HNF4G: variants seen among roughly 807,000 people sequenced by gnomAD.
HNF4G encodes hepatocyte nuclear factor 4 gamma, also known as hepatocyte nuclear factor 4-gamma.
A neutral mutation model predicts 50.9 loss-of-function variants in HNF4G; 21 were observed. The ratio of observed to expected loss-of-function variants is 0.41; its 90% CI spans 0.29 to 0.59. The LOEUF (loss-of-function observed/expected upper bound fraction) is 0.59. Ranked by LOEUF, HNF4G falls within the 20% of genes least tolerant of loss-of-function variation. The pLI is 0.26. For missense variants in HNF4G, 527 were observed against 559.4 expected, an observed-to-expected ratio of 0.94 and a Z score of 0.58; for synonymous variants, 198 against 185.6, an observed-to-expected ratio of 1.07 and a Z score of -0.54.
At chr8:75,486,596 C>A (rs1173285587) in intron 1 of HNF4G, among the ~76,000 whole-genome samples, 4 of 152,196 alleles carry the variant, frequency 2.6e-5, no homozygotes, top group African/African-American at 7.2e-5. Context: ...TTCAGTTCAT[C>A]TGTACCTTTG....
intron 2 of HNF4G, among the ~76,000 whole-genome samples, chr8:75,532,467 T>C (rs1563543800): frequency 6.6e-6 from 1 of 152,102 alleles, no homozygotes; most frequent in Admixed American, 6.6e-5. Context: ...GGTATATTTT[T>C]AAAATTATAT....
At chr8:75,563,147 G>T (rs2130822062) in intron 9 of HNF4G, among the ~76,000 whole-genome samples, 1 of 152,184 alleles carries the variant, frequency 6.6e-6, no homozygotes, top group South Asian at 2.1e-4. Context: ...TTTTCTGTTA[G>T]TTCTGTTTAC....
At chr8:75,533,735 C>T (rs761964561) in intron 2 of HNF4G, among the ~76,000 whole-genome samples, 1 of 151,870 alleles carries the variant, frequency 6.6e-6, no homozygotes, top group Non-Finnish European at 1.5e-5. Context: ...ACACCTACCT[C>T]TATTAAATGG....
chr8:75,428,541 T>C (rs770096760), intron 1 of HNF4G, among the ~76,000 whole-genome samples: 32 of 152,140 alleles, frequency 2.1e-4, no homozygotes, highest in Non-Finnish European at 3.8e-4. Flanking sequence ...TGATACAATC[T>C]AATCAAGAAA....
chr8:75,504,938 G>C (rs896671108), intron 2 of HNF4G, among the ~76,000 whole-genome samples: 1 of 151,898 alleles, frequency 6.6e-6, no homozygotes. Flanking sequence ...ATATTTGATG[G>C]GACAAGAGAG....
Position 75,564,800 on chromosome 8 carries a change from C to T in HNF4G, c.*704C>T, listed in dbSNP as rs1807414557. On this transcript the variant is annotated 3_prime_UTR_variant, in exon 10 of 10. Transcript: ENST00000396423. Reference sequence around the variant, plus strand: ...CAGGGTGAACTGTAACAAAGAAACCCCTAAAACAGTGACTAAATCAAGAGA... The same window carrying T: ...CAGGGTGAACTGTAACAAAGAAACCTCTAAAACAGTGACTAAATCAAGAGA... 1 of 152,078 alleles carries T rather than the reference C, an allele frequency of 6.6e-6. No individual in the cohort carries two copies. The highest frequency in any genetic ancestry group is 1.5e-5 in the Non-Finnish European group (1 of 67,998). 9.4% of individuals were successfully genotyped at this position (152,078 alleles called of 1,614,324 possible).
intron 1 of HNF4G, among the ~76,000 whole-genome samples, chr8:75,442,417 A>G (rs1457184842): frequency 6.6e-6 from 1 of 152,124 alleles, no homozygotes; most frequent in Non-Finnish European, 1.5e-5. Flanking sequence ...ACATTTAAAA[A>G]CATGTGAATG....
chr8:75,428,210 G>A (rs1056702731), intron 1 of HNF4G, among the ~76,000 whole-genome samples: 4 of 152,094 alleles, frequency 2.6e-5, no homozygotes, highest in African/African-American at 9.7e-5. Flanking sequence ...CTAGCAGGTG[G>A]GTGTATGATT....
intron 1 of HNF4G, among the ~76,000 whole-genome samples, chr8:75,428,990 G>A (rs1385586850): frequency 2.0e-5 from 3 of 152,176 alleles, no homozygotes; most frequent in African/African-American, 7.2e-5. Context: ...CTTAACGGAA[G>A]TTACTGGTAG....
At chr8:75,554,127 T>A (rs559225654) in intron 5 of HNF4G, among the ~76,000 whole-genome samples, 1 of 152,250 alleles carries the variant, frequency 6.6e-6, no homozygotes, top group Non-Finnish European at 1.5e-5. Context: ...ATTCTTAAAA[T>A]GCTCTGTAAC....
chr8:75,540,743 G>T (rs1402878079), intron 1 of HNF4G, among the ~76,000 whole-genome samples: 1 of 151,832 alleles, frequency 6.6e-6, no homozygotes, highest in Non-Finnish European at 1.5e-5. Context: ...GCTTACTATT[G>T]ACTTTGAATT....
At chr8:75,504,830 C>A (rs1813033936) in intron 2 of HNF4G, among the ~76,000 whole-genome samples, 1 of 151,926 alleles carries the variant, frequency 6.6e-6, no homozygotes, top group South Asian at 2.1e-4. Context: ...TTGTAAGTAA[C>A]CCTGGGATTT....
intron 2 of HNF4G, among the ~76,000 whole-genome samples, chr8:75,494,064 G>A (rs1424209958): frequency 1.3e-5 from 2 of 152,096 alleles, no homozygotes; most frequent in Middle Eastern, 3.2e-3. Context: ...AAAGCTGAAT[G>A]ATTATAAACT....
chr8:75,539,978 G>A lies in HNF4G; in HGVS notation c.16G>A (p.Glu6Lys). 2 of 1,533,154 alleles carry A rather than the reference G, an allele frequency of 1.3e-6. No homozygotes were observed. The highest frequency in any genetic ancestry group is 1.1e-5 in the South Asian group (1 of 89,358). 95.0% of individuals were successfully genotyped at this position (1,533,154 alleles called of 1,614,324 possible). Residue 6 changes from glutamate to lysine, a missense_variant, in exon 1 of 10, where the codon GAA becomes AAA. Glu to Lys is a moderately conservative substitution (Grantham distance 56, BLOSUM62 1). This residue lies in a region of HNF4G where 84 missense variants were observed against 87.1 expected (regional missense o/e 0.96). Transcript: ENST00000396423. ...TTCTAAATCAATGATGAGGGTATCA[G>A]AACCAATACTGGACATGGACATGGC... MMRVS[E>K]PILDMDMANY... is the part of the protein sequence containing the mutation.
intron 1 of HNF4G, among the ~76,000 whole-genome samples, chr8:75,433,709 T>C (rs1369466426): frequency 6.6e-6 from 1 of 151,670 alleles, no homozygotes; most frequent in Non-Finnish European, 1.5e-5. Flanking sequence ...GAAGATACAA[T>C]TTTAAACCTT....
chr8:75,421,349 C>T (rs1434302313), intron 1 of HNF4G, among the ~76,000 whole-genome samples: 1 of 152,180 alleles, frequency 6.6e-6, no homozygotes, highest in East Asian at 1.9e-4. Flanking sequence ...GTTTAATCTG[C>T]ACCATTCCTT....
At chr8:75,410,706 T>C (rs1810480384) in intron 1 of HNF4G, among the ~76,000 whole-genome samples, 1 of 152,206 alleles carries the variant, frequency 6.6e-6, no homozygotes, top group African/African-American at 2.4e-5. Context: ...AAAAGTATGA[T>C]TTTAAATGAG....
chr8:75,547,133 A>G (rs1296748682), intron 2 of HNF4G, among the ~76,000 whole-genome samples: 4 of 152,142 alleles, frequency 2.6e-5, no homozygotes, highest in African/African-American at 9.7e-5. Flanking sequence ...ATAATTTGCC[A>G]TTTAGGGTAA....
Position 75,540,059 on chromosome 8 carries a change from C to A in HNF4G, c.97C>A (p.Gln33Lys). The part of the protein sequence containing the change: ...TYTTLEFETM[Q>K]ILYNSSDSSA... ...CACAACTTTGGAGTTTGAAACTATG[C>A]AGATTCTATATAATTCAAGTGGTGA... Residue 33 changes from glutamine (Q) to lysine (K), a missense_variant, in exon 1 of 10, where the codon CAG becomes AAG. Physicochemically the swap from Gln to Lys is moderately conservative, Grantham distance 53. Transcript: ENST00000396423. 2 of 1,585,326 alleles carry A rather than the reference C, an allele frequency of 1.3e-6. No homozygotes were observed. Among genetic ancestry groups the A allele is most frequent in the Middle Eastern group, 1.7e-4 (1 of 6,000 alleles).
Sources: gnomAD v4.1 joint callset for allele counts (sites outside exome capture counted in the v4.1 genomes callset) on GRCh38, gnomAD v4.1.1 for gene constraint, gnomAD v4.1.1 regional missense constraint, MANE v1.5 for transcripts, NCBI Gene and HGNC (gene_info 2026-07-23, HGNC 2026-07-21) for gene names.